PACRG: variants seen among roughly 807,000 people sequenced by gnomAD.
PACRG encodes the protein parkin coregulated.
A neutral mutation model predicts 29.7 loss-of-function variants in PACRG; 29 were observed. The observed-to-expected ratio is 0.98, with a 90% CI of 0.73 to 1.33. The LOEUF (loss-of-function observed/expected upper bound fraction) is 1.33. PACRG is among the 40% of genes most tolerant of loss of function. The pLI is 0.00. For synonymous variants in PACRG, 116 were observed against 118.7 expected (o/e 0.98, Z 0.15); for missense variants, 279 against 316.2 (o/e 0.88, Z 0.89).
At chr6:162,727,828 G>C, upstream of PACRG, 5 of 701,196 alleles carry the variant, frequency 7.1e-6, no homozygotes, top group Non-Finnish European at 1.2e-5. Flanking sequence ...GCGCGGCCCA[G>C]GGCCTGCTGG....
chr6:162,824,345 G>C (rs1788098240), intron 2 of PACRG, among the ~76,000 whole-genome samples: 1 of 152,076 alleles, frequency 6.6e-6, no homozygotes, highest in South Asian at 2.1e-4. Context: ...AGAAAGTGTG[G>C]GAGAGATGAA....
rs1386445331 is a variant in PACRG at position 162,968,110 on chromosome 6, A to C, written c.292-94040A>C. On this transcript the variant is annotated intron_variant, in intron 2 of 4. Transcript: ENST00000366888. ...AGCTGTATTCCAGACTGCCATAATT[A>C]ATTAAGTAGGTGAATGAATCTCTGA... Among the ~76,000 whole-genome samples the C allele has an allele frequency of 9.2e-5, 14 of 152,228 alleles. 1 individual carries two copies. Among genetic ancestry groups the C allele is most frequent in the Middle Eastern group, 6.8e-3 (2 of 294 alleles).
intron 2 of PACRG, among the ~76,000 whole-genome samples, chr6:162,992,541 G>A (rs1185342558): frequency 1.4e-5 from 2 of 141,404 alleles, no homozygotes; most frequent in African/African-American, 2.6e-5. Flanking sequence ...GGTGTTTGTA[G>A]TATTCTCTGA....
chr6:163,088,566 C>G (rs1014604519), intron 3 of PACRG, among the ~76,000 whole-genome samples: 2 of 152,182 alleles, frequency 1.3e-5, no homozygotes, highest in African/African-American at 4.8e-5. Flanking sequence ...TTCAGACCCT[C>G]CCTGGTGGCA....
chr6:162,834,128 A>AT (rs758125208), intron 2 of PACRG, among the ~76,000 whole-genome samples: 1 of 152,112 alleles, frequency 6.6e-6, no homozygotes, highest in Admixed American at 6.6e-5. Context: ...AGTGAAGTGT[A>AT]TTTGTTTTTG....
At chr6:163,231,921 T>G (rs984506123) in intron 4 of PACRG, among the ~76,000 whole-genome samples, 1 of 152,238 alleles carries the variant, frequency 6.6e-6, no homozygotes, top group African/African-American at 2.4e-5. Flanking sequence ...GGCTTCACTC[T>G]CAGCTGGAGC....
intron 4 of PACRG, among the ~76,000 whole-genome samples, chr6:163,143,211 A>G (rs944188154): frequency 1.3e-5 from 2 of 152,196 alleles, no homozygotes; most frequent in African/African-American, 2.4e-5. Context: ...ATACTATTCC[A>G]TAATAAAAAG....
intron 1 of PACRG, among the ~76,000 whole-genome samples, chr6:162,778,245 G>T (rs1446286431): frequency 6.6e-6 from 1 of 152,168 alleles, no homozygotes; most frequent in Non-Finnish European, 1.5e-5. Context: ...CAGTGGAGCA[G>T]CTTCTGCCCC....
intron 2 of PACRG, among the ~76,000 whole-genome samples, chr6:162,958,880 TATATAG>T (rs1421983416): frequency 7.3e-4 from 12 of 16,510 alleles, no homozygotes; most frequent in East Asian, 1.8e-3. Context: ...TATATATATA[TATATAG>T]AGAGAGAGAG....
At chr6:162,857,153 G>C (rs1332287630) in intron 2 of PACRG, among the ~76,000 whole-genome samples, 2 of 152,188 alleles carry the variant, frequency 1.3e-5, no homozygotes, top group Non-Finnish European at 2.9e-5. Flanking sequence ...TTGAGCTCCG[G>C]AATAGCAAAG....
chr6:162,974,128 G>T (rs62429279), intron 2 of PACRG, among the ~76,000 whole-genome samples: 3,381 of 152,304 alleles, frequency 0.022, 177 homozygotes, highest in East Asian at 0.2. Context: ...AAGCAAAAGA[G>T]AAAGTTGCCT....
chr6:163,239,293 G>A (rs1324382084), intron 4 of PACRG, among the ~76,000 whole-genome samples: 1 of 152,154 alleles, frequency 6.6e-6, no homozygotes, highest in Non-Finnish European at 1.5e-5. Flanking sequence ...TTTCCAAGTA[G>A]TATATTTCTG....
chr6:162,839,518 G>A (rs1235404170), intron 2 of PACRG, among the ~76,000 whole-genome samples: 10 of 151,192 alleles, frequency 6.6e-5, no homozygotes, highest in Non-Finnish European at 1.0e-4. Context: ...AGTAGGTTGC[G>A]AAAATTTTCT....
intron 1 of PACRG, among the ~76,000 whole-genome samples, chr6:162,747,992 T>C (rs66594243): frequency 0.086 from 13,051 of 152,244 alleles, 695 homozygotes; most frequent in Middle Eastern, 0.17. Flanking sequence ...GCTGTGCTGA[T>C]GTTAGCACTT....
intron 4 of PACRG, among the ~76,000 whole-genome samples, chr6:163,132,142 T>C (rs1422301149): frequency 6.6e-6 from 1 of 152,226 alleles, no homozygotes; most frequent in Non-Finnish European, 1.5e-5. Context: ...TCTGTGGATC[T>C]GAAAATAAGA....
At chr6:162,806,977 T>G (rs982877218) in intron 1 of PACRG, among the ~76,000 whole-genome samples, 1 of 152,216 alleles carries the variant, frequency 6.6e-6, no homozygotes, top group Non-Finnish European at 1.5e-5. Flanking sequence ...TCTGGAAAAT[T>G]TGCTGCAGCT....
chr6:163,022,463 C>T (rs549252663), intron 2 of PACRG, among the ~76,000 whole-genome samples: 10 of 152,240 alleles, frequency 6.6e-5, no homozygotes, highest in East Asian at 3.9e-4. Flanking sequence ...AGGATTCAAC[C>T]GGAAGAGAGC....
intron 2 of PACRG, among the ~76,000 whole-genome samples, chr6:163,000,908 C>T (rs1804532151): frequency 6.6e-6 from 1 of 152,188 alleles, no homozygotes; most frequent in Non-Finnish European, 1.5e-5. Context: ...ATAGTAGGGG[C>T]TCCTGAAACA....
chr6:163,115,842 C>T (rs958040094), intron 4 of PACRG, among the ~76,000 whole-genome samples: 2 of 152,196 alleles, frequency 1.3e-5, no homozygotes, highest in Admixed American at 1.3e-4. Context: ...CAGCTCTTCA[C>T]CTGCCTCTGA....
Sources: gnomAD v4.1 joint callset for allele counts (sites outside exome capture counted in the v4.1 genomes callset) on GRCh38, gnomAD v4.1.1 for gene constraint, MANE v1.5 for transcripts, NCBI Gene and HGNC (gene_info 2026-07-23, HGNC 2026-07-21) for gene names.